The following POLR3B variants were observed in gnomAD, a reference collection of about 807,000 sequenced individuals.
The protein encoded by POLR3B is DNA-directed RNA polymerase III subunit RPC2.
A neutral mutation model predicts 147.4 loss-of-function variants in POLR3B; 96 were observed. The observed-to-expected ratio is 0.65, with a 90% confidence interval of 0.55 to 0.77. The LOEUF (loss-of-function observed/expected upper bound fraction) is 0.77. POLR3B is among the 30% of genes least tolerant of loss of function. The pLI, the probability that POLR3B is intolerant of heterozygous loss-of-function variation, is 0.00. For synonymous variants in POLR3B, 461 were observed against 485.9 expected (o/e 0.95, Z 0.67); for missense variants, 1,036 against 1,413.5 (o/e 0.73, Z 4.28).
At chr12:106,358,099 A>G in intron 1 of POLR3B, 148 bp downstream of exon 1, 1 of 1,515,698 alleles carries the variant, frequency 6.6e-7, no homozygotes. Context: ...CGCGCTTGCG[A>G]GTCTTTTTTC....
chr12:106,427,448 G>A (rs2037454719), intron 13 of POLR3B, 90 bp downstream of exon 13: 3 of 1,150,782 alleles, frequency 2.6e-6, no homozygotes, highest in Admixed American at 1.7e-5. Flanking sequence ...GAGAATCCAG[G>A]TGAAATATAT....
intron 11 of POLR3B, among the ~76,000 whole-genome samples, chr12:106,409,545 A>G (rs2037196070): frequency 6.6e-6 from 1 of 151,632 alleles, no homozygotes; most frequent in Non-Finnish European, 1.5e-5. Context: ...ATTGACCTAG[A>G]GAAGAAATAA....
chr12:106,361,273 A>G (rs1799222992), intron 1 of POLR3B, among the ~76,000 whole-genome samples: 1 of 152,228 alleles, frequency 6.6e-6, no homozygotes, highest in Non-Finnish European at 1.5e-5. Context: ...AATGCGAGGA[A>G]GGTTAAAAGG....
intron 21 of POLR3B, among the ~76,000 whole-genome samples, chr12:106,458,874 TG>T (rs1217751492): frequency 6.6e-6 from 1 of 152,184 alleles, no homozygotes; most frequent in Non-Finnish European, 1.5e-5. Flanking sequence ...AAATTGGTGG[TG>T]GCTTATTACT....
At chr12:106,436,212 T>C (rs1439203222) in intron 16 of POLR3B, among the ~76,000 whole-genome samples, 1 of 152,234 alleles carries the variant, frequency 6.6e-6, no homozygotes, top group Non-Finnish European at 1.5e-5. Context: ...GACTTTAGGG[T>C]AGAGCGCACA....
At chr12:106,446,877 AGAAGTATTGAGCAAAGTCTGCTT>A (rs1446125183) in intron 19 of POLR3B, among the ~76,000 whole-genome samples, 10 of 152,252 alleles carry the variant, frequency 6.6e-5, no homozygotes, top group African/African-American at 2.2e-4. Context: ...AAATAGCTGC[AGAAGTATTGAGCAAAGTCTGCTT>A]GAAAAATGAC....
At chr12:106,358,397 C>G (rs1442230578) in intron 1 of POLR3B, among the ~76,000 whole-genome samples, 1 of 152,212 alleles carries the variant, frequency 6.6e-6, no homozygotes, top group Non-Finnish European at 1.5e-5. Context: ...TTCCTTTTAA[C>G]TTGAAGTTCC....
At chr12:106,374,554 G>A (rs2036652352) in intron 6 of POLR3B, among the ~76,000 whole-genome samples, 1 of 147,564 alleles carries the variant, frequency 6.8e-6, no homozygotes, top group Non-Finnish European at 1.5e-5. Context: ...TCGCTCTGTT[G>A]CCCAGGCTGG....
chr12:106,467,359 C>T (rs1286817478), intron 23 of POLR3B, among the ~76,000 whole-genome samples: 8 of 152,110 alleles, frequency 5.3e-5, no homozygotes, highest in Non-Finnish European at 7.3e-5. Flanking sequence ...TGGGCTGAGA[C>T]GATGGGGTTT....
Position 106,504,069 on chromosome 12 carries a change from C to T in POLR3B, c.3099-12C>T, listed in dbSNP as rs1212300857. On this transcript the variant is annotated splice_polypyrimidine_tract_variant and intron_variant, in intron 26 of 27. Transcript: ENST00000228347. The surrounding 1 kb of genome is among the most constrained non-coding windows in gnomAD (Gnocchi z 4.6). ...GAATAATAACACATTTGTCTAATAA[C>T]TTGTTTCAAAGGCAACCCACTGAAG... 1.1e-5 allele frequency: 18 copies of T among 1,612,746 alleles called. No individual in the cohort carries two copies. Among genetic ancestry groups the T allele is most frequent in the Non-Finnish European group, 1.4e-5 (17 of 1,178,740 alleles).
intron 19 of POLR3B, among the ~76,000 whole-genome samples, chr12:106,450,931 C>T (rs566579280): frequency 2.6e-5 from 4 of 152,082 alleles, no homozygotes; most frequent in Non-Finnish European, 4.4e-5. Flanking sequence ...CCAAAAACTG[C>T]GAAACGATGC....
At chr12:106,485,739 A>G (rs559090701) in intron 23 of POLR3B, among the ~76,000 whole-genome samples, 10 of 152,308 alleles carry the variant, frequency 6.6e-5, no homozygotes, top group African/African-American at 2.2e-4. Flanking sequence ...AGACAAGGGC[A>G]GAGGTTGAGA....
At chr12:106,483,104 T>C (rs1399528839) in intron 23 of POLR3B, among the ~76,000 whole-genome samples, 4 of 152,202 alleles carry the variant, frequency 2.6e-5, no homozygotes, top group Non-Finnish European at 4.4e-5. Flanking sequence ...GACCCCTGCA[T>C]ATATTCAAGT....
intron 1 of POLR3B, among the ~76,000 whole-genome samples, chr12:106,359,117 A>T (rs1296477427): frequency 6.6e-6 from 1 of 152,074 alleles, no homozygotes; most frequent in African/African-American, 2.4e-5. Context: ...CAGGAGGCTG[A>T]GGTGGAAGGA....
chr12:106,471,096 C>T (rs953412505), intron 23 of POLR3B, among the ~76,000 whole-genome samples: 2 of 152,208 alleles, frequency 1.3e-5, no homozygotes, highest in Non-Finnish European at 2.9e-5. Flanking sequence ...GCGGTGGGCT[C>T]TGCCGAGTTC....
chr12:106,397,316 G>A (rs1358658043), intron 10 of POLR3B, among the ~76,000 whole-genome samples: 4 of 152,080 alleles, frequency 2.6e-5, no homozygotes, highest in East Asian at 1.9e-4. Context: ...GTAAATTTAT[G>A]TACACTAAAA....
At chr12:106,496,492 C>T in intron 24 of POLR3B, 1 of 599,160 alleles carries the variant, frequency 1.7e-6, no homozygotes, top group Admixed American at 2.9e-5. Flanking sequence ...CACCTCTTAC[C>T]AGCTGTGTGG....
At chr12:106,496,629 C>T in intron 24 of POLR3B, 123 bp from the exon 25 acceptor site, 2 of 843,038 alleles carry the variant, frequency 2.4e-6, no homozygotes, top group South Asian at 1.5e-5. Context: ...AGCTTAAATA[C>T]TGCTTCTATT....
Position 106,444,537 on chromosome 12 carries a change from A to G in POLR3B, c.2030A>G (p.His677Arg). 1 of 1,613,980 alleles carries G rather than the reference A, an allele frequency of 6.2e-7. No individual in the cohort carries two copies. Reference protein sequence around the residue: ...VCAGLIPYPHHNQSPRNTYQC... With the variant: ...VCAGLIPYPHRNQSPRNTYQC... ...GCTGGACTTATCCCATACCCTCACC[A>G]TAACCAGTCACCGAGAAACACTTAT... Residue 677 changes from histidine (H) to arginine (R), a missense_variant, in exon 19 of 28, where the codon CAT (histidine) becomes CGT (arginine). His to Arg is a conservative substitution (Grantham distance 29). This residue lies in a region of POLR3B where 5 missense variants were observed against 30.9 expected (regional missense o/e 0.16). Coordinates refer to ENST00000228347, the MANE Select transcript of POLR3B (RefSeq NM_018082.6).
Sources: gnomAD v4.1 joint callset for allele counts (sites outside exome capture counted in the v4.1 genomes callset) on GRCh38, gnomAD v4.1.1 for gene constraint, gnomAD v4.1.1 regional missense constraint, Gnocchi (gnomAD v3.1) non-coding constraint, MANE v1.5 for transcripts, NCBI Gene and HGNC (gene_info 2026-07-23, HGNC 2026-07-21) for gene names.